The following BDKRB2 variants were observed in gnomAD, a reference collection of about 807,000 sequenced individuals.
The protein encoded by BDKRB2 is B2 bradykinin receptor.
In BDKRB2, 6 loss-of-function variants were observed where a neutral mutation model predicts 4.0. That is an observed-to-expected ratio of 1.49 (90% CI 0.81 to 2.93). BDKRB2 has a LOEUF of 2.93. Among genes scored for constraint, BDKRB2 ranks in the 30% most tolerant of loss-of-function variants. The pLI is 0.00. For synonymous variants in BDKRB2, 225 were observed against 215.3 expected, an observed-to-expected ratio of 1.05 and a Z score of -0.40; for missense variants, 478 against 520.1, an observed-to-expected ratio of 0.92 and a Z score of 0.79.
chr14:96,222,822 A>T (rs1041915374), intron 1 of BDKRB2, among the ~76,000 whole-genome samples: 2 of 152,154 alleles, frequency 1.3e-5, no homozygotes, highest in Non-Finnish European at 2.9e-5. Context: ...ATATTAAAAT[A>T]ATGTTTTGGA....
At chr14:96,219,056 C>A (rs536753214) in intron 1 of BDKRB2, among the ~76,000 whole-genome samples, 1 of 152,064 alleles carries the variant, frequency 6.6e-6, no homozygotes, top group African/African-American at 2.4e-5. Context: ...ATAATCACAG[C>A]GCTTTGGGAG....
At chr14:96,208,861 G>A (rs369467821) in intron 1 of BDKRB2, among the ~76,000 whole-genome samples, 4 of 152,184 alleles carry the variant, frequency 2.6e-5, no homozygotes, top group East Asian at 3.8e-4. Flanking sequence ...CTGTGCCACC[G>A]GTGAAGGGCA....
rs368769479 is a variant in BDKRB2 at position 96,241,539 on chromosome 14, A to T, written c.*35A>T. On this transcript the variant is annotated 3_prime_UTR_variant, in exon 3 of 3. Transcript: ENST00000554311. ...AGCAGGGCTGCTGTGAATTTGTGTA[A>T]GGATTGAGGGACAGTTGCTTTTCAG... 68 of 1,505,878 alleles carry T rather than the reference A, an allele frequency of 4.5e-5. No homozygotes were observed. The highest frequency in any genetic ancestry group is 5.5e-5 in the Non-Finnish European group (62 of 1,135,014). 93.3% of individuals were successfully genotyped at this position (1,505,878 alleles called of 1,614,324 possible). A position where few individuals can be genotyped will look rare whatever the true frequency, so the allele number is the denominator to read the frequency against.
chr14:96,228,133 G>A (rs1035966379), intron 1 of BDKRB2, among the ~76,000 whole-genome samples: 15 of 152,318 alleles, frequency 9.8e-5, no homozygotes, highest in East Asian at 7.7e-4. Flanking sequence ...TGGGACTTGC[G>A]GTGACAGGGG....
chr14:96,233,005 GA>G (rs1280195739), intron 1 of BDKRB2, among the ~76,000 whole-genome samples: 1 of 152,220 alleles, frequency 6.6e-6, no homozygotes, highest in Non-Finnish European at 1.5e-5. Context: ...CCTTCATAAG[GA>G]AATGAAGTGA....
chr14:96,244,099 A>G lies in BDKRB2; in HGVS notation c.*2595A>G, dbSNP rs1006732097. 1 of 398,360 alleles carries G rather than the reference A, an allele frequency of 2.5e-6. No individual in the cohort carries two copies. The highest frequency in any genetic ancestry group is 2.1e-5 in the African/African-American group (1 of 48,652). The allele number at this position is 398,360 out of a possible 1,614,324, so 24.7% of individuals were successfully genotyped here. On this transcript the variant is annotated 3_prime_UTR_variant, in exon 3 of 3. Transcript: ENST00000554311. Reference sequence around the variant, plus strand: ...TGTAAACAGGAAGCATTTCACATCCAAACGAGAAAATCATGTAAACATGTG... The same window carrying G: ...TGTAAACAGGAAGCATTTCACATCCGAACGAGAAAATCATGTAAACATGTG...
intron 1 of BDKRB2, chr14:96,233,663 T>C (rs1890870781): frequency 6.6e-6 from 1 of 152,200 alleles, no homozygotes; most frequent in African/African-American, 2.4e-5. Context: ...TGAGGCACAG[T>C]TGGCCCTTGA....
intron 1 of BDKRB2, among the ~76,000 whole-genome samples, chr14:96,210,662 C>T (rs1890283184): frequency 6.6e-6 from 1 of 152,124 alleles, no homozygotes; most frequent in Admixed American, 6.5e-5. Flanking sequence ...GGGGGTCTGG[C>T]TAATGTCTAA....
chr14:96,241,125 G>A lies in BDKRB2; in HGVS notation c.797G>A (p.Arg266Lys). The part of the protein sequence containing the change: ...MQKFKEIQTE[R>K]RATVLVLVVL... Reference sequence around the variant, plus strand: ...AAGTTCAAGGAGATCCAGACAGAGAGGAGGGCCACGGTGCTAGTCCTGGTT... The same window carrying A: ...AAGTTCAAGGAGATCCAGACAGAGAAGAGGGCCACGGTGCTAGTCCTGGTT... The change falls in exon 3 of 3, where the codon AGG (arginine) becomes AAG (lysine). Residue 266 changes from arginine (R) to lysine (K), a missense_variant. Coordinates refer to ENST00000554311, the MANE Select transcript of BDKRB2 (RefSeq NM_001379692.1). The A allele has an allele frequency of 6.2e-7, 1 of 1,613,066 alleles. No homozygotes were observed. The highest frequency in any genetic ancestry group is 8.5e-7 in the Non-Finnish European group (1 of 1,179,758).
chr14:96,228,515 A>G (rs1595258172), intron 1 of BDKRB2, among the ~76,000 whole-genome samples: 2 of 151,532 alleles, frequency 1.3e-5, no homozygotes, highest in South Asian at 4.2e-4. Context: ...AGATGGCTGA[A>G]CTCTTCTCCA....
At chr14:96,230,659 C>G (rs990590613) in intron 1 of BDKRB2, among the ~76,000 whole-genome samples, 6 of 150,232 alleles carry the variant, frequency 4.0e-5, no homozygotes, top group Admixed American at 2.7e-4. Context: ...GCTCCGTCAC[C>G]TAGGTTGGAG....
intron 1 of BDKRB2, among the ~76,000 whole-genome samples, chr14:96,235,785 G>A (rs1035117113): frequency 1.3e-5 from 2 of 150,746 alleles, no homozygotes; most frequent in Admixed American, 6.7e-5. Context: ...CTACATTCAT[G>A]CACACACACA....
chr14:96,238,149 T>C, intron 2 of BDKRB2: 1 of 948,346 alleles, frequency 1.1e-6, no homozygotes, highest in Non-Finnish European at 1.3e-6. Context: ...GGGGCCTTGG[T>C]TGGAAGATTC....
rs1287496251 is a variant in BDKRB2 at position 96,243,523 on chromosome 14, C to T, written c.*2019C>T. On this transcript the variant is annotated 3_prime_UTR_variant, in exon 3 of 3. Transcript: ENST00000554311. ...AGGGCTAGAACCTGTAGAGCTAGAA[C>T]ATGGAGAGCTAGAACCCGGCAGGCT... 3 of 151,940 alleles carry T rather than the reference C, an allele frequency of 2.0e-5. No homozygotes were observed. The highest frequency in any genetic ancestry group is 4.8e-5 in the African/African-American group (2 of 41,272). The allele number at this position is 151,940 out of a possible 1,614,324, so 9.4% of individuals were successfully genotyped here. A position where few individuals can be genotyped will look rare whatever the true frequency, so the allele number is the denominator to read the frequency against.
At chr14:96,213,533 C>T (rs1953255) in intron 1 of BDKRB2, among the ~76,000 whole-genome samples, 43,293 of 150,906 alleles carry the variant, frequency 0.29, 7,103 homozygotes, top group Non-Finnish European at 0.39. Flanking sequence ...CACACACACA[C>T]GTGTACACAC....
intron 1 of BDKRB2, among the ~76,000 whole-genome samples, chr14:96,213,770 C>T (rs530283889): frequency 6.6e-5 from 10 of 152,036 alleles, no homozygotes; most frequent in Non-Finnish European, 1.5e-4. Flanking sequence ...CCCCCCAAAA[C>T]AATCACAAGT....
At chr14:96,204,982 T>C (rs201120207) in intron 1 of BDKRB2, 23 bp downstream of exon 1, 5 of 203,756 alleles carry the variant, frequency 2.5e-5, no homozygotes, top group Non-Finnish European at 4.2e-5. Flanking sequence ...CAGGGGCTGC[T>C]CCAGCCGCCT....
chr14:96,223,033 G>A, intron 1 of BDKRB2: 1 of 695,120 alleles, frequency 1.4e-6, no homozygotes, highest in South Asian at 1.7e-5. Flanking sequence ...GTAAGAAATA[G>A]CAAGGAAGGG....
At chr14:96,224,915 T>G (rs1186788290) in intron 1 of BDKRB2, among the ~76,000 whole-genome samples, 1 of 152,176 alleles carries the variant, frequency 6.6e-6, no homozygotes, top group Admixed American at 6.5e-5. Context: ...GGCTTTGAGA[T>G]GGGCGAGACT....
Sources: gnomAD v4.1 joint callset for allele counts (sites outside exome capture counted in the v4.1 genomes callset) on GRCh38, gnomAD v4.1.1 for gene constraint, MANE v1.5 for transcripts, NCBI Gene and HGNC (gene_info 2026-07-23, HGNC 2026-07-21) for gene names.